The following SLC44A1 variants were observed in gnomAD, a reference collection of about 807,000 sequenced individuals.
SLC44A1 encodes the protein choline transporter-like protein 1.
SLC44A1 carries 26 observed loss-of-function variants against 79.3 expected under a neutral mutation model. The ratio of observed to expected loss-of-function variants is 0.33; its 90% CI spans 0.24 to 0.46. SLC44A1 has a LOEUF of 0.46. Ranked by LOEUF, SLC44A1 falls within the 20% of genes least tolerant of loss-of-function variation. The pLI, the probability that SLC44A1 is intolerant of heterozygous loss-of-function variation, is 1.00. For synonymous variants in SLC44A1, 263 were observed against 286.2 expected (o/e 0.92, Z 0.82); for missense variants, 688 against 798.1 (o/e 0.86, Z 1.66).
In SLC44A1 at chr9:105,386,465, GT is replaced by G. The variant is rs1301720148; in HGVS notation, c.1950+964del. On this transcript the variant is annotated intron_variant, in intron 15 of 15. Transcript: ENST00000374720. ...TCCTTTCTGTCTTCTTTACACTTTA[GT>G]AAATGATTTGATTTATAGCAAGTTT... is the stretch of plus-strand genomic sequence containing the variant. 5 of 981,260 alleles carry G rather than the reference GT, an allele frequency of 5.1e-6. No homozygotes were observed. In the East Asian group the frequency reaches 4.5e-4, roughly 89 times the overall value. The allele number at this position is 981,260 out of a possible 1,614,324, so 60.8% of individuals were successfully genotyped here. A position where few individuals can be genotyped will look rare whatever the true frequency, so the allele number is the denominator to read the frequency against.
At chr9:105,356,410 G>T (rs1485637116) in intron 6 of SLC44A1, 29 bp downstream of exon 6, 2 of 1,441,208 alleles carry the variant, frequency 1.4e-6, no homozygotes, top group Non-Finnish European at 1.9e-6. Flanking sequence ...ATTAGCTATT[G>T]CATAGTATTG....
chr9:105,259,859 C>T (rs1219054724), intron 1 of SLC44A1, among the ~76,000 whole-genome samples: 7 of 152,166 alleles, frequency 4.6e-5, no homozygotes, highest in Admixed American at 1.3e-4. Context: ...TTCTAGTTTG[C>T]TGCTAGTTTA....
At chr9:105,403,983 CA>C (rs1169937179) in intron 15 of SLC44A1, among the ~76,000 whole-genome samples, 2 of 151,630 alleles carry the variant, frequency 1.3e-5, no homozygotes, top group African/African-American at 4.9e-5. Flanking sequence ...ATTTGCCTTT[CA>C]GGGGAAAAAT....
At chr9:105,246,231 T>C (rs1829443175) in intron 1 of SLC44A1, among the ~76,000 whole-genome samples, 1 of 152,220 alleles carries the variant, frequency 6.6e-6, no homozygotes, top group Non-Finnish European at 1.5e-5. Context: ...GCTAAATGAC[T>C]ATATATAACT....
At position 105,380,153 on chromosome 9, in the gene SLC44A1, G is replaced by C. The variant is rs527586433; in HGVS notation, c.1633-2970G>C. ...TATGTATTGTTATGTCTCTTTTAAA[G>C]ATGGAAAAACAGGCTCAGAATGGTT... On this transcript the variant is annotated intron_variant, in intron 13 of 15. Transcript: ENST00000374720. Among the ~76,000 whole-genome samples, 3 of 152,200 alleles carry C rather than the reference G, an allele frequency of 2.0e-5. No individual in the cohort carries two copies. In the East Asian group the frequency reaches 5.8e-4, roughly 29 times the overall value.
At chr9:105,340,240 A>G (rs1218623694) in intron 4 of SLC44A1, among the ~76,000 whole-genome samples, 2 of 152,252 alleles carry the variant, frequency 1.3e-5, no homozygotes, top group Non-Finnish European at 2.9e-5. Context: ...GACACATGCT[A>G]TAACATGGAT....
At chr9:105,329,013 G>C (rs1323029911) in intron 3 of SLC44A1, among the ~76,000 whole-genome samples, 1 of 152,072 alleles carries the variant, frequency 6.6e-6, no homozygotes, top group African/African-American at 2.4e-5. Flanking sequence ...TGCCTTGCTG[G>C]TACCCCAACA....
At position 105,271,531 on chromosome 9, in the gene SLC44A1, G is replaced by A. The variant is rs143906762; in HGVS notation, c.36+26627G>A. 1.8e-3 allele frequency among the ~76,000 whole-genome samples: 279 copies of A among 152,352 alleles called. 3 individuals carry two copies. The highest frequency in any genetic ancestry group is 0.013 in the Admixed American group (204 of 15,304). ...CACATAGAAGTGTGAAATGTGTAAT[G>A]TGTTTGGCAAAAGTGGTTTGGGATG... is the stretch of plus-strand genomic sequence containing the variant. On this transcript the variant is annotated intron_variant, in intron 1 of 15. Coordinates refer to ENST00000374720, the MANE Select transcript of SLC44A1 (RefSeq NM_080546.5).
chr9:105,412,805 T>C (rs1829114698), intron 15 of SLC44A1, among the ~76,000 whole-genome samples: 2 of 152,090 alleles, frequency 1.3e-5, no homozygotes, highest in Admixed American at 1.3e-4. Context: ...GTTTTCACCA[T>C]GTTGGCCAGG....
chr9:105,322,008 TG>T (rs1826408356), intron 3 of SLC44A1, among the ~76,000 whole-genome samples: 1 of 152,142 alleles, frequency 6.6e-6, no homozygotes, highest in Non-Finnish European at 1.5e-5. Flanking sequence ...AGAGGAGAAA[TG>T]TTTTTAAATT....
At position 105,281,620 on chromosome 9, in the gene SLC44A1, A is replaced by G. The variant is rs145694870; in HGVS notation, c.37-17600A>G. On this transcript the variant is annotated intron_variant, in intron 1 of 15. Coordinates refer to ENST00000374720, the MANE Select transcript of SLC44A1 (RefSeq NM_080546.5). ...GTATAGAGGCTTGGGGTCCTTTGCCATGTTTGTTGACATAGGGCTTCCATC... is the reference window on the plus strand; with the variant it reads ...GTATAGAGGCTTGGGGTCCTTTGCCGTGTTTGTTGACATAGGGCTTCCATC... Among the ~76,000 whole-genome samples the G allele has an allele frequency of 4.0e-4, 61 of 152,220 alleles. 1 individual carries two copies. In the East Asian group the frequency reaches 0.011, roughly 28 times the overall value.
At chr9:105,356,015 G>C in intron 5 of SLC44A1, 197 bp from the exon 6 acceptor site, 1 of 570,292 alleles carries the variant, frequency 1.8e-6, no homozygotes, top group South Asian at 2.2e-5. Context: ...TCTTTGATAA[G>C]GCTTGTGGTA....
chr9:105,401,753 C>T (rs1460191720), downstream of SLC44A1, among the ~76,000 whole-genome samples: 7 of 152,174 alleles, frequency 4.6e-5, no homozygotes, highest in Non-Finnish European at 8.8e-5. Flanking sequence ...CTCACAGCAG[C>T]GTGCTAAATG....
chr9:105,296,378 G>A (rs1457880907), intron 1 of SLC44A1, among the ~76,000 whole-genome samples: 1 of 152,134 alleles, frequency 6.6e-6, no homozygotes, highest in Non-Finnish European at 1.5e-5. Flanking sequence ...AAGTTGAATC[G>A]ACTTGTTGAG....
chr9:105,368,090 C>G (rs777278855), intron 12 of SLC44A1, among the ~76,000 whole-genome samples: 20 of 151,944 alleles, frequency 1.3e-4, no homozygotes, highest in Non-Finnish European at 2.9e-4. Context: ...GAAAACAAGT[C>G]ATATGATATC....
At position 105,350,374 on chromosome 9, in the gene SLC44A1, C is replaced by T. The variant is rs114346543; in HGVS notation, c.500+1923C>T. The stretch of plus-strand genomic sequence containing the variant: ...TTTGTTTTAATAAAAAGACTTGAGG[C>T]ATCACCCCATTCCACCCATCGTTGT... On this transcript the variant is annotated intron_variant, in intron 5 of 15. Transcript: ENST00000374720. Among the ~76,000 whole-genome samples, 235 of 151,956 alleles carry T rather than the reference C, an allele frequency of 1.5e-3. 1 individual carries two copies. The highest frequency in any genetic ancestry group is 5.4e-3 in the African/African-American group (222 of 41,256).
At chr9:105,425,813 ACT>A (rs1207716692) in intron 15 of SLC44A1, among the ~76,000 whole-genome samples, 2 of 152,122 alleles carry the variant, frequency 1.3e-5, no homozygotes, top group East Asian at 3.9e-4. Context: ...GCAGAGCAAG[ACT>A]CTGTCAAAAA....
chr9:105,244,827 G>A lies in SLC44A1; in HGVS notation c.-42G>A, dbSNP rs1454030088. 8 of 1,101,006 alleles carry A rather than the reference G, an allele frequency of 7.3e-6. No individual in the cohort carries two copies. Among genetic ancestry groups the A allele is most frequent in the African/African-American group, 1.7e-5 (1 of 59,422 alleles). The allele number at this position is 1,101,006 out of a possible 1,614,324, so 68.2% of individuals were successfully genotyped here. On this transcript the variant is annotated 5_prime_UTR_variant, in exon 1 of 16. It removes the in-frame stop codon of an upstream open reading frame in the 5' UTR. Coordinates refer to ENST00000374720, the MANE Select transcript of SLC44A1 (RefSeq NM_080546.5). ...GCATGCCGAGGGGCTCCGGGGCGTA[G>A]CTGCGCGCCCGGCGCCGCCTCCGGG...
intron 5 of SLC44A1, among the ~76,000 whole-genome samples, chr9:105,354,043 T>TC (rs1182371169): frequency 5.8e-5 from 6 of 103,142 alleles, no homozygotes; most frequent in Non-Finnish European, 1.2e-4. Context: ...TTAATCCTTT[T>TC]TTTTTTTTTT....
Sources: allele counts gnomAD v4.1 joint callset (sites outside exome capture counted in the v4.1 genomes callset), GRCh38; gene constraint gnomAD v4.1.1; transcripts MANE v1.5; gene names NCBI Gene and HGNC (gene_info 2026-07-23, HGNC 2026-07-21).